Variants in URB1 observed in about 807,000 individuals in gnomAD.
URB1 encodes the protein nucleolar pre-ribosomal-associated protein 1.
In URB1, 197 loss-of-function variants were observed where a neutral mutation model predicts 242.3. The observed-to-expected ratio is 0.81, with a 90% confidence interval of 0.72 to 0.91. URB1 has a LOEUF of 0.91. URB1 is among the 40% of genes least tolerant of loss of function. The pLI is 0.00. For missense variants in URB1, 2,721 were observed against 2,860.5 expected, an observed-to-expected ratio of 0.95 and a Z score of 1.11; for synonymous variants, 1,153 against 1,201.8, an observed-to-expected ratio of 0.96 and a Z score of 0.84.
At position 32,381,928 on chromosome 21, in the gene URB1, C is replaced by A. The variant is rs533221288; in HGVS notation, c.567+1494G>T. Among the ~76,000 whole-genome samples the A allele has an allele frequency of 2.0e-5, 3 of 152,300 alleles. No individual in the cohort carries two copies. In the South Asian group the frequency reaches 6.2e-4, roughly 32 times the overall value. On this transcript the variant is annotated intron_variant, in intron 4 of 38. Transcript: ENST00000382751. ...TTCCTTATTAAATGTAATGTCTCAA[C>A]TCCATTTCCTATAACATATAAGATA...
In URB1 at chr21:32,349,334, G is replaced by A. The variant is rs927796822; in HGVS notation, c.2982C>T (p.Ser994=). 182 of 1,549,184 alleles carry A rather than the reference G, an allele frequency of 1.2e-4. No homozygotes were observed. Among genetic ancestry groups the A allele is most frequent in the Middle Eastern group, 1.7e-4 (1 of 5,994 alleles). Reference sequence around the variant, plus strand: ...CATTGGCCAACTCCAGCGAGGCCACGGACTCCATGTCCAGGAAGAGGTCGG... The same window carrying A: ...CATTGGCCAACTCCAGCGAGGCCACAGACTCCATGTCCAGGAAGAGGTCGG... ...AEADLFLDME[S]VASLELANDQ... Residue 994 remains serine (S), a synonymous_variant, in exon 21 of 39, where the codon TCC becomes TCT. Coordinates refer to ENST00000382751, the MANE Select transcript of URB1 (RefSeq NM_014825.3).
At chr21:32,353,896 C>T in intron 18 of URB1, 37 bp downstream of exon 18, 2 of 1,545,576 alleles carry the variant, frequency 1.3e-6, no homozygotes, top group Middle Eastern at 1.7e-4. Flanking sequence ...ACTAGCCGGC[C>T]AGGTGCAGCC....
At chr21:32,327,392 A>T (rs2032841771) in intron 30 of URB1, among the ~76,000 whole-genome samples, 1 of 152,188 alleles carries the variant, frequency 6.6e-6, no homozygotes, top group Non-Finnish European at 1.5e-5. Flanking sequence ...ATCTTTCAAA[A>T]GTTAAGACTT....
chr21:32,381,272 A>G (rs554370993), intron 4 of URB1, among the ~76,000 whole-genome samples: 1 of 152,358 alleles, frequency 6.6e-6, no homozygotes, highest in East Asian at 1.9e-4. Flanking sequence ...TGTTCTGCAA[A>G]ACACTGTCTA....
In URB1 at chr21:32,368,400, T is replaced by A; in HGVS notation, c.1197+3A>T. ...CAGACTTTTAAATATCATGTTTTTT[T>A]ACCTTGTTTAGTAGTTTGATATTAT... On this transcript the variant is annotated splice_donor_region_variant and intron_variant, in intron 9 of 38. Transcript: ENST00000382751. 1 of 1,526,902 alleles carries A rather than the reference T, an allele frequency of 6.5e-7. No homozygotes were observed. Among genetic ancestry groups the A allele is most frequent in the Non-Finnish European group, 8.8e-7 (1 of 1,133,140 alleles). 94.6% of individuals were successfully genotyped at this position (1,526,902 alleles called of 1,614,324 possible).
Position 32,337,399 on chromosome 21 carries a change from C to T in URB1, c.4621+5G>A. The T allele has an allele frequency of 6.5e-7, 1 of 1,549,106 alleles. No homozygotes were observed. Among genetic ancestry groups the T allele is most frequent in the Non-Finnish European group, 8.7e-7 (1 of 1,144,952 alleles). On this transcript the variant is annotated splice_donor_5th_base_variant and intron_variant, in intron 27 of 38. Transcript: ENST00000382751. ...GCTCACACTACCCAGCCCTCACACC[C>T]TCACCTAGGACGCTGAGAGTGGCGC... is the stretch of plus-strand genomic sequence containing the variant.
At chr21:32,362,208 T>C (rs1252909628) in intron 11 of URB1, among the ~76,000 whole-genome samples, 187 bp from the exon 12 acceptor site, 3 of 150,826 alleles carry the variant, frequency 2.0e-5, no homozygotes, top group Admixed American at 1.3e-4. Context: ...CTCTGCAGTA[T>C]AATTTTTTTT....
At position 32,317,082 on chromosome 21, in the gene URB1, G is replaced by C; in HGVS notation, c.6035-17C>G. The C allele has an allele frequency of 6.6e-7, 1 of 1,511,668 alleles. No individual in the cohort carries two copies. The highest frequency in any genetic ancestry group is 8.9e-7 in the Non-Finnish European group (1 of 1,129,854). 93.6% of individuals were successfully genotyped at this position (1,511,668 alleles called of 1,614,324 possible). A position where few individuals can be genotyped will look rare whatever the true frequency, so the allele number is the denominator to read the frequency against. ...TGAGCATTTCTGTTAAATGCACAAAGAGAAGGTAATGAGACTGGGGTCCCT... is the reference window on the plus strand; with the variant it reads ...TGAGCATTTCTGTTAAATGCACAAACAGAAGGTAATGAGACTGGGGTCCCT... On this transcript the variant is annotated splice_polypyrimidine_tract_variant and intron_variant, in intron 37 of 38. Transcript: ENST00000382751.
chr21:32,338,057 G>A (rs951086110), intron 26 of URB1, among the ~76,000 whole-genome samples: 1 of 152,282 alleles, frequency 6.6e-6, no homozygotes, highest in East Asian at 1.9e-4. Context: ...CAGTGATGTG[G>A]CTAATGGCTG....
At chr21:32,355,344 C>G in intron 16 of URB1, 105 bp downstream of exon 16, 1 of 1,005,612 alleles carries the variant, frequency 9.9e-7, no homozygotes, top group Non-Finnish European at 1.5e-6. Flanking sequence ...TAAGCCAGGA[C>G]GAGAAGCCTT....
intron 15 of URB1, among the ~76,000 whole-genome samples, chr21:32,356,350 G>C (rs2033220348): frequency 6.6e-6 from 1 of 152,186 alleles, no homozygotes; most frequent in Non-Finnish European, 1.5e-5. Flanking sequence ...CGTGATTGTA[G>C]CAGTGCACAG....
intron 6 of URB1, among the ~76,000 whole-genome samples, chr21:32,374,020 CAT>C (rs2033433270): frequency 6.6e-6 from 1 of 152,182 alleles, no homozygotes; most frequent in Non-Finnish European, 1.5e-5. Flanking sequence ...ACACAATATA[CAT>C]GTGTATGTAT....
chr21:32,376,811 TTTTGTTTGTTTG>T (rs35719368), intron 5 of URB1, among the ~76,000 whole-genome samples: 4 of 150,318 alleles, frequency 2.7e-5, no homozygotes, highest in African/African-American at 7.3e-5. Flanking sequence ...CTAACTTTTG[TTTTGTTTGTTTG>T]TTTGTTTGTT....
intron 30 of URB1, among the ~76,000 whole-genome samples, chr21:32,326,656 T>C (rs533835468): frequency 3.4e-4 from 51 of 152,224 alleles, no homozygotes; most frequent in African/African-American, 1.2e-3. Context: ...CAAGAGCTGG[T>C]TGTTTAGAAG....
chr21:32,346,864 G>T, intron 22 of URB1, 92 bp downstream of exon 22: 1 of 1,431,946 alleles, frequency 7.0e-7, no homozygotes, highest in South Asian at 1.5e-5. Context: ...CCCAGAACCT[G>T]AATTTCTAGG....
chr21:32,369,321 C>T (rs1213440720), intron 8 of URB1, among the ~76,000 whole-genome samples: 1 of 152,106 alleles, frequency 6.6e-6, no homozygotes, highest in East Asian at 1.9e-4. Context: ...TGAGATTGCA[C>T]CACTGCACTT....
rs2032620224 is a variant in URB1 at position 32,313,158 on chromosome 21, G to A, written c.*1760C>T. ...TGACTTGCTGGGCCCTAAGAACCTG[G>A]GAGGCAGCTTAGGCCTGGAGCCAGG... On this transcript the variant is annotated 3_prime_UTR_variant, in exon 39 of 39. Transcript: ENST00000382751. 2 of 152,228 alleles carry A rather than the reference G, an allele frequency of 1.3e-5. No individual in the cohort carries two copies. Among genetic ancestry groups the A allele is most frequent in the Non-Finnish European group, 2.9e-5 (2 of 68,086 alleles). The allele number at this position is 152,228 out of a possible 1,614,324, so 9.4% of individuals were successfully genotyped here.
chr21:32,328,564 G>A (rs2032857081), intron 30 of URB1, among the ~76,000 whole-genome samples: 3 of 152,148 alleles, frequency 2.0e-5, no homozygotes, highest in Admixed American at 1.3e-4. Flanking sequence ...GTGTTTAAGA[G>A]ACACCTACAT....
intron 24 of URB1, among the ~76,000 whole-genome samples, chr21:32,341,869 G>C (rs2033034292): frequency 6.6e-6 from 1 of 152,128 alleles, no homozygotes; most frequent in South Asian, 2.1e-4. Flanking sequence ...CAAACTTACA[G>C]GGGCAGAGAG....
Sources: gnomAD v4.1 joint callset for allele counts (sites outside exome capture counted in the v4.1 genomes callset) on GRCh38, gnomAD v4.1.1 for gene constraint, MANE v1.5 for transcripts, NCBI Gene and HGNC (gene_info 2026-07-23, HGNC 2026-07-21) for gene names.